The following SARDH variants were observed in gnomAD, a reference collection of about 807,000 sequenced individuals.
SARDH encodes the protein sarcosine dehydrogenase, mitochondrial.
A neutral mutation model predicts 109.1 loss-of-function variants in SARDH; 95 were observed. The ratio of observed to expected loss-of-function variants is 0.87; its 90% CI spans 0.74 to 1.03. The LOEUF (loss-of-function observed/expected upper bound fraction) is 1.03. Among genes scored for constraint, SARDH ranks in the 50% least tolerant of loss-of-function variants. The pLI, the probability that SARDH is intolerant of heterozygous loss-of-function variation, is 0.00. For synonymous variants in SARDH, 572 were observed against 534.8 expected (o/e 1.07, Z -0.96); for missense variants, 1,267 against 1,287.8 (o/e 0.98, Z 0.25).
intron 15 of SARDH, among the ~76,000 whole-genome samples, chr9:133,691,751 C>G (rs186176115): frequency 1.3e-5 from 2 of 152,308 alleles, no homozygotes; most frequent in Admixed American, 6.5e-5. Context: ...TCAACACGCG[C>G]ATATTTAATG....
intron 8 of SARDH, among the ~76,000 whole-genome samples, chr9:133,713,477 G>T (rs945618668): frequency 6.6e-6 from 1 of 152,236 alleles, no homozygotes; most frequent in Non-Finnish European, 1.5e-5. Context: ...GTCCTGCTGT[G>T]TCCCTGCCAG....
intron 17 of SARDH, among the ~76,000 whole-genome samples, chr9:133,672,471 C>T (rs927605026): frequency 2.6e-5 from 4 of 152,182 alleles, no homozygotes; most frequent in African/African-American, 9.7e-5. Context: ...GTTGGGAGCC[C>T]AGCTTTATCT....
At chr9:133,733,817 G>A (rs1564302683) in intron 2 of SARDH, 26 bp downstream of exon 2, 4 of 1,445,470 alleles carry the variant, frequency 2.8e-6, no homozygotes, top group Non-Finnish European at 3.7e-6. Flanking sequence ...ATCCTTCCCT[G>A]CCCCTACCTG....
intron 6 of SARDH, chr9:133,725,548 C>T: frequency 2.3e-6 from 1 of 435,198 alleles, no homozygotes; most frequent in Non-Finnish European, 4.6e-6. Context: ...TGGTGACGGG[C>T]ACATTTAATC....
In SARDH at chr9:133,732,509, C is replaced by T. The variant is rs1480418601; in HGVS notation, c.424G>A (p.Gly142Arg). Residue 142 changes from glycine to arginine, a missense_variant, in exon 3 of 21, where the codon GGA becomes AGA. Gly to Arg is a moderately radical substitution (Grantham distance 125). Transcript: ENST00000439388. ...TTCTGGATCCAGCCCGTGTGTAGTC[C>T]CGTCTCCTCCTCCAGCTCCCGGCTC... ...VVSRELEEET[G>R]LHTGWIQNGG... 4 of 1,613,716 alleles carry T rather than the reference C, an allele frequency of 2.5e-6. No individual in the cohort carries two copies. Among genetic ancestry groups the T allele is most frequent in the Non-Finnish European group, 3.4e-6 (4 of 1,179,908 alleles).
At chr9:133,665,106 G>A (rs954470938) in intron 20 of SARDH, among the ~76,000 whole-genome samples, 2 of 147,972 alleles carry the variant, frequency 1.4e-5, no homozygotes, top group African/African-American at 5.0e-5. Context: ...TTTCCATGGT[G>A]CAAATGCTCT....
chr9:133,665,080 C>CCA (rs879339675), intron 20 of SARDH, among the ~76,000 whole-genome samples: 4,483 of 152,254 alleles, frequency 0.029, 112 homozygotes, highest in South Asian at 0.11. Context: ...GTGGGTGTGA[C>CCA]TGTAGCATTT....
chr9:133,705,031 C>A lies in SARDH; in HGVS notation c.1471G>T (p.Glu491Ter). Residue 491 changes from glutamate (E) to a stop codon, truncating the protein, a stop_gained and splice_region_variant, in exon 12 of 21, where the codon GAA becomes TAA. Coordinates refer to ENST00000439388, the MANE Select transcript of SARDH (RefSeq NM_001134707.2). LOFTEE classifies it high-confidence loss of function. ...AACACGCAGCCTTGTCCAAGGAGTT[C>A]CTGAGCAGGAGTGGGGAACAGGCAT... ...RNMRRDPLHE[E>*]LLGQGCVFQE... 6.3e-7 allele frequency: 1 copy of A among 1,588,354 alleles called. No homozygotes were observed. The highest frequency in any genetic ancestry group is 8.6e-7 in the Non-Finnish European group (1 of 1,168,208).
chr9:133,692,052 T>C lies in SARDH; in HGVS notation c.1922-1525A>G, dbSNP rs973383361. On this transcript the variant is annotated intron_variant, in intron 15 of 20. Transcript: ENST00000439388. This position sits in a 1 kb window ranked among gnomAD's most constrained non-coding sequence, Gnocchi z 5.0. The stretch of plus-strand genomic sequence containing the variant: ...GCACTTTCCTGACAGCTTCCCCTTA[T>C]GAGGGGGGACGAGCAAGGTCCTCAT... Among the ~76,000 whole-genome samples the C allele has an allele frequency of 7.2e-5, 11 of 152,146 alleles. No homozygotes were observed. Among genetic ancestry groups the C allele is most frequent in the African/African-American group, 2.7e-4 (11 of 41,430 alleles).
At chr9:133,713,005 T>C (rs540998292) in intron 9 of SARDH, 33 bp downstream of exon 9, 19 of 1,580,298 alleles carry the variant, frequency 1.2e-5, no homozygotes, top group African/African-American at 1.3e-5. Flanking sequence ...GACCTCCCTC[T>C]TGGGGGCCAG....
At chr9:133,678,082 G>A (rs1019075038) in intron 17 of SARDH, among the ~76,000 whole-genome samples, 1 of 152,202 alleles carries the variant, frequency 6.6e-6, no homozygotes, top group African/African-American at 2.4e-5. Flanking sequence ...TGGTCCCCAA[G>A]GATGAGAGGA....
intron 6 of SARDH, among the ~76,000 whole-genome samples, chr9:133,724,277 C>T (rs1251095353): frequency 6.6e-6 from 1 of 152,158 alleles, no homozygotes; most frequent in Admixed American, 6.5e-5. Flanking sequence ...AACAAAGGAC[C>T]TGTATCCAGA....
At chr9:133,687,345 G>A (rs972842167) in intron 16 of SARDH, among the ~76,000 whole-genome samples, 5 of 152,164 alleles carry the variant, frequency 3.3e-5, no homozygotes, top group Non-Finnish European at 5.9e-5. Context: ...ATCACAGCTC[G>A]CTGCAGCCTT....
In SARDH at chr9:133,728,116, C is replaced by A. The variant is rs1280389385; in HGVS notation, c.915+1649G>T. Among the ~76,000 whole-genome samples, 1 of 152,152 alleles carries A rather than the reference C, an allele frequency of 6.6e-6. No individual in the cohort carries two copies. The highest frequency in any genetic ancestry group is 1.5e-5 in the Non-Finnish European group (1 of 68,008). ...CGTGTGACTACTCTTAGTCCCTAAC[C>A]CGGCACATGGCACCAGCCACCTGCA... On this transcript the variant is annotated intron_variant, in intron 6 of 20. Transcript: ENST00000439388. The surrounding 1 kb of genome is among the most constrained non-coding windows in gnomAD (Gnocchi z 5.0).
intron 10 of SARDH, among the ~76,000 whole-genome samples, chr9:133,711,837 G>A (rs946687733): frequency 2.6e-5 from 4 of 152,164 alleles, no homozygotes; most frequent in Admixed American, 2.0e-4. Flanking sequence ...ACCCCACAAC[G>A]CACGGGGAGT....
intron 15 of SARDH, among the ~76,000 whole-genome samples, chr9:133,690,738 G>T (rs1397658645): frequency 2.0e-5 from 3 of 152,126 alleles, no homozygotes; most frequent in Non-Finnish European, 4.4e-5. Context: ...GTTAGGAGAA[G>T]GACCTGCTTC....
In SARDH at chr9:133,731,405, T is replaced by C; in HGVS notation, c.590A>G (p.Asp197Gly). 2 of 1,614,152 alleles carry C rather than the reference T, an allele frequency of 1.2e-6. No homozygotes were observed. Among genetic ancestry groups the C allele is most frequent in the Non-Finnish European group, 1.7e-6 (2 of 1,180,018 alleles). The change falls in exon 4 of 21, where the codon GAC becomes GGC. Residue 197 changes from aspartate to glycine, a missense_variant. Physicochemically the swap from Asp to Gly is moderately conservative, Grantham distance 94 (BLOSUM62 -1). Transcript: ENST00000439388. ...TKTLYPLMNV[D>G]DLYGTLYVPH... Reference sequence around the variant, plus strand: ...CACATACAGGGTCCCGTAGAGGTCGTCCACATTCATCAGCGGGTACAGAGT... The same window carrying C: ...CACATACAGGGTCCCGTAGAGGTCGCCCACATTCATCAGCGGGTACAGAGT...
At chr9:133,680,479 G>A (rs762897752) in intron 17 of SARDH, among the ~76,000 whole-genome samples, 112 of 152,340 alleles carry the variant, frequency 7.4e-4, no homozygotes, top group African/African-American at 2.5e-3. Context: ...ACCTGGGAGC[G>A]CGTGGCCCTG....
intron 16 of SARDH, among the ~76,000 whole-genome samples, chr9:133,688,698 G>A (rs1056648003): frequency 5.3e-5 from 8 of 152,216 alleles, no homozygotes; most frequent in Non-Finnish European, 1.2e-4. Context: ...TCAGACATAC[G>A]CACTGGCCTG....
Sources: gnomAD v4.1 joint callset for allele counts (sites outside exome capture counted in the v4.1 genomes callset) on GRCh38, gnomAD v4.1.1 for gene constraint, Gnocchi (gnomAD v3.1) non-coding constraint, MANE v1.5 for transcripts, NCBI Gene and HGNC (gene_info 2026-07-23, HGNC 2026-07-21) for gene names.